The following VPS13C variants were observed in gnomAD, a reference collection of about 807,000 sequenced individuals.
VPS13C encodes the protein intermembrane lipid transfer protein VPS13C.
A neutral mutation model predicts 456.8 loss-of-function variants in VPS13C; 358 were observed. The observed-to-expected ratio is 0.78, with a 90% CI of 0.72 to 0.86. The LOEUF is 0.86. VPS13C is among the 40% of genes least tolerant of loss of function. VPS13C has a pLI of 0.00. For missense variants in VPS13C, 4,818 were observed against 4,385.4 expected, an observed-to-expected ratio of 1.10 and a Z score of -2.79; for synonymous variants, 1,578 against 1,486.7, an observed-to-expected ratio of 1.06 and a Z score of -1.41.
At chr15:61,991,889 T>C in intron 16 of VPS13C, 87 bp from the exon 17 acceptor site, 3 of 260,716 alleles carry the variant, frequency 1.2e-5, no homozygotes, top group Non-Finnish European at 6.0e-6. Context: ...ACAATGGTTC[T>C]TTTTTTTTTT....
At chr15:61,994,378 C>T (rs1335104886) in intron 16 of VPS13C, among the ~76,000 whole-genome samples, 1 of 152,158 alleles carries the variant, frequency 6.6e-6, no homozygotes, top group Non-Finnish European at 1.5e-5. Context: ...TTCATAGGAA[C>T]AATCCCCAGC....
chr15:61,875,921 G>C, intron 75 of VPS13C, 76 bp from the exon 76 acceptor site: 1 of 979,770 alleles, frequency 1.0e-6, no homozygotes, highest in South Asian at 1.8e-5. Context: ...GAAAAAAAGA[G>C]ATTTACTGAT....
At chr15:62,052,083 T>C (rs922122475) in intron 1 of VPS13C, among the ~76,000 whole-genome samples, 4 of 152,086 alleles carry the variant, frequency 2.6e-5, no homozygotes, top group Non-Finnish European at 4.4e-5. Context: ...TTTCTTAATA[T>C]AAAACATAGA....
At chr15:62,046,278 AAG>A (rs2048399541) in intron 1 of VPS13C, among the ~76,000 whole-genome samples, 1 of 152,186 alleles carries the variant, frequency 6.6e-6, no homozygotes, top group Admixed American at 6.5e-5. Flanking sequence ...AGTCATAGTA[AAG>A]AGTTATTTTG....
chr15:61,942,034 C>G lies in VPS13C; in HGVS notation c.5182G>C (p.Ala1728Pro), dbSNP rs1336329032. 1.9e-6 allele frequency: 3 copies of G among 1,601,962 alleles called. No individual in the cohort carries two copies. The Admixed American group carries it at 5.0e-5, about 27-fold the overall frequency. Residue 1728 changes from alanine (A) to proline (P), a missense_variant, in exon 46 of 85, where the codon GCT becomes CCT. Ala to Pro is a conservative substitution (Grantham distance 27). Coordinates refer to ENST00000644861, the MANE Select transcript of VPS13C (RefSeq NM_020821.3). ...GCCTGGACTGTGGCTGTACTCAAAG[C>G]TTCTTTAGCAGTTTGGAAATTGTTG... ...FLNNFQTAKE[A>P]LSTATVQAAE...
chr15:61,958,920 T>C (rs1293080335), intron 36 of VPS13C, among the ~76,000 whole-genome samples: 3 of 152,068 alleles, frequency 2.0e-5, no homozygotes, highest in Non-Finnish European at 2.9e-5. Flanking sequence ...AAGATGTTTA[T>C]AGAAAACCAG....
intron 66 of VPS13C, among the ~76,000 whole-genome samples, chr15:61,901,206 A>G (rs1286757838): frequency 1.3e-5 from 2 of 152,126 alleles, no homozygotes; most frequent in African/African-American, 2.4e-5. Context: ...ATGGGCGAGG[A>G]CTTCATGTCC....
At chr15:61,974,510 A>C in intron 24 of VPS13C, 93 bp from the exon 25 acceptor site, 1 of 1,360,944 alleles carries the variant, frequency 7.3e-7, no homozygotes, top group Non-Finnish European at 1.0e-6. Context: ...AAACATGCCT[A>C]AACTTTTGAC....
At chr15:61,962,219 T>A (rs1875361507) in intron 34 of VPS13C, 152 bp downstream of exon 34, 1 of 672,606 alleles carries the variant, frequency 1.5e-6, no homozygotes, top group East Asian at 3.0e-5. Context: ...TTTCAACTGT[T>A]AAATAGGGGT....
At chr15:61,960,367 A>G (rs948560271) in intron 35 of VPS13C, among the ~76,000 whole-genome samples, 1 of 152,352 alleles carries the variant, frequency 6.6e-6, no homozygotes, top group South Asian at 2.1e-4. Flanking sequence ...ACAGAATACA[A>G]TTATACGCTA....
intron 12 of VPS13C, 116 bp from the exon 13 acceptor site, chr15:62,010,715 T>C (rs2047009524): frequency 3.6e-6 from 4 of 1,098,384 alleles, no homozygotes; most frequent in Non-Finnish European, 4.9e-6. Context: ...CAAAAATGTG[T>C]GTAACAAAAT....
intron 18 of VPS13C, among the ~76,000 whole-genome samples, chr15:61,987,236 G>C (rs547389973): frequency 1.3e-5 from 2 of 150,578 alleles, no homozygotes; most frequent in African/African-American, 4.9e-5. Flanking sequence ...AGAAAACCAA[G>C]TCAGAGGTCT....
intron 22 of VPS13C, among the ~76,000 whole-genome samples, chr15:61,980,852 T>C (rs1423963078): frequency 6.6e-6 from 1 of 152,154 alleles, no homozygotes; most frequent in Non-Finnish European, 1.5e-5. Context: ...ATTCCATTTT[T>C]CCACAAACTT....
rs1054860308 is a variant in VPS13C, at chr15:62,002,576, A to G, written c.1291-1950T>C. Among the ~76,000 whole-genome samples the G allele has an allele frequency of 4.6e-5, 7 of 152,150 alleles. No homozygotes were observed. In the South Asian group the frequency reaches 6.2e-4, roughly 14 times the overall value. ...TTGTTGCCATTGCTTTTGGTGTTTT[A>G]GACATGAAGTCCTTGTCCATGCCTA... is the stretch of plus-strand genomic sequence containing the variant. On this transcript the variant is annotated intron_variant, in intron 15 of 84. Transcript: ENST00000644861.
chr15:62,015,236 C>T (rs1204713401), intron 9 of VPS13C, among the ~76,000 whole-genome samples: 1 of 152,066 alleles, frequency 6.6e-6, no homozygotes. Flanking sequence ...TTGTTTTTGT[C>T]GAAAGCTACC....
At chr15:61,923,752 T>G (rs879529628) in intron 53 of VPS13C, among the ~76,000 whole-genome samples, 1 of 150,236 alleles carries the variant, frequency 6.7e-6, no homozygotes, top group Non-Finnish European at 1.5e-5. Flanking sequence ...CCTAACTTAC[T>G]TGTCAACTTT....
intron 46 of VPS13C, among the ~76,000 whole-genome samples, chr15:61,941,092 A>G (rs2044405750): frequency 6.6e-6 from 1 of 152,232 alleles, no homozygotes; most frequent in African/African-American, 2.4e-5. Context: ...TGATACAGCG[A>G]ATAGTTTACT....
intron 16 of VPS13C, among the ~76,000 whole-genome samples, chr15:61,992,330 C>T (rs114036169): frequency 0.012 from 1,789 of 152,244 alleles, 44 homozygotes; most frequent in African/African-American, 0.041. Flanking sequence ...TTCTATCACT[C>T]CTTCTCTTTG....
rs140087267 is a variant in VPS13C, at chr15:61,949,492, G to A, written c.4710C>T (p.Ser1570=). Residue 1570 remains serine (S), a synonymous_variant, in exon 42 of 85, where the codon TCC becomes TCT. Transcript: ENST00000644861. ...FSEPSSSEKE[S]ELKPLVGESR... ...ACTCCCCCACAAGTGGTTTCAGCTC[G>A]GATTCCTTCTCAGAAGAGGAAGGCT... is the stretch of plus-strand genomic sequence containing the variant. The A allele has an allele frequency of 2.6e-4, 423 of 1,613,444 alleles. 1 individual carries two copies. The African/African-American group carries it at 3.7e-3, about 14-fold the overall frequency.
Sources: allele counts gnomAD v4.1 joint callset (sites outside exome capture counted in the v4.1 genomes callset), GRCh38; gene constraint gnomAD v4.1.1; transcripts MANE v1.5; gene names NCBI Gene and HGNC (gene_info 2026-07-23, HGNC 2026-07-21).